Variants in RGS6 observed in about 807,000 individuals in gnomAD.
RGS6 encodes regulator of G-protein signaling 6.
RGS6 carries 30 observed loss-of-function variants against 78.5 expected under a neutral mutation model. That is an observed-to-expected ratio of 0.38 (90% CI 0.29 to 0.52). The LOEUF (loss-of-function observed/expected upper bound fraction) is 0.52, where lower values mean the gene tolerates loss of function less well. Among genes scored for constraint, RGS6 ranks in the 20% least tolerant of loss-of-function variants. The probability of loss-of-function intolerance (pLI) is 0.85; values close to 1 mark genes in which losing one functional copy is unlikely to be tolerated. For missense variants in RGS6, 495 were observed against 609.7 expected (o/e 0.81, Z 1.98); for synonymous variants, 206 against 206.0 (o/e 1.00, Z 0.00).
intron 2 of RGS6, among the ~76,000 whole-genome samples, chr14:72,088,090 A>G (rs1481613336): frequency 2.0e-5 from 3 of 152,124 alleles, no homozygotes; most frequent in Non-Finnish European, 4.4e-5. Flanking sequence ...TTTTGGTACC[A>G]TCTCCTTCTG....
chr14:72,409,719 C>A (rs1045861784), intron 3 of RGS6, among the ~76,000 whole-genome samples: 1 of 152,104 alleles, frequency 6.6e-6, no homozygotes, highest in South Asian at 2.1e-4. Flanking sequence ...CCCTCTCCCC[C>A]AACCCCACAA....
At chr14:71,945,703 C>T (rs1344292892) in intron 1 of RGS6, among the ~76,000 whole-genome samples, 1 of 152,144 alleles carries the variant, frequency 6.6e-6, no homozygotes, top group Non-Finnish European at 1.5e-5. Flanking sequence ...TGGCACCTGA[C>T]CTTGGATCTC....
chr14:72,203,606 A>C (rs549192141), intron 2 of RGS6, among the ~76,000 whole-genome samples: 1 of 152,250 alleles, frequency 6.6e-6, no homozygotes, highest in East Asian at 1.9e-4. Context: ...TGTTGGCTAG[A>C]GACATCAGTT....
At chr14:72,413,215 A>G (rs922769221) in intron 3 of RGS6, among the ~76,000 whole-genome samples, 10 of 152,200 alleles carry the variant, frequency 6.6e-5, no homozygotes, top group African/African-American at 2.4e-4. Context: ...GTCTCTTTGT[A>G]GGTCACTAAG....
chr14:72,245,381 A>G (rs1013846954), intron 2 of RGS6, among the ~76,000 whole-genome samples: 3 of 152,204 alleles, frequency 2.0e-5, no homozygotes, highest in Admixed American at 6.5e-5. Context: ...ACAGAGATTT[A>G]CCCATGTATT....
At chr14:72,572,849 G>GA in the RGS6 span, among the ~76,000 whole-genome samples, 1 of 148,460 alleles carries the variant, frequency 6.7e-6, no homozygotes, top group African/African-American at 2.5e-5. Flanking sequence ...AACAAAAACA[G>GA]AAAAAAAGAA....
the RGS6 span, among the ~76,000 whole-genome samples, chr14:71,914,551 G>A: frequency 6.6e-6 from 1 of 151,904 alleles, no homozygotes; most frequent in African/African-American, 2.4e-5. Context: ...AACTCATTCG[G>A]GTCCCTCCTT....
chr14:72,168,774 C>G (rs2096966369), intron 2 of RGS6, among the ~76,000 whole-genome samples: 1 of 152,176 alleles, frequency 6.6e-6, no homozygotes, highest in Non-Finnish European at 1.5e-5. Flanking sequence ...ACATCTCCTG[C>G]TACCTTGGAC....
At chr14:71,943,084 A>C (rs1339903023) in intron 1 of RGS6, among the ~76,000 whole-genome samples, 1 of 152,148 alleles carries the variant, frequency 6.6e-6, no homozygotes. Flanking sequence ...GGTCCCCTGC[A>C]TGAATGAGAG....
chr14:72,608,821 C>T, the RGS6 span, among the ~76,000 whole-genome samples: 1 of 152,198 alleles, frequency 6.6e-6, no homozygotes, highest in South Asian at 2.1e-4. Context: ...TTTGTTGCTC[C>T]TGGAGTCTCC....
chr14:71,999,140 C>T (rs1392427767), intron 2 of RGS6, among the ~76,000 whole-genome samples: 1 of 152,144 alleles, frequency 6.6e-6, no homozygotes, highest in Non-Finnish European at 1.5e-5. Flanking sequence ...GTTTATTGAC[C>T]TCTGAGGTAA....
chr14:72,030,940 A>G (rs1200216383), intron 2 of RGS6, among the ~76,000 whole-genome samples: 1 of 151,816 alleles, frequency 6.6e-6, no homozygotes, highest in African/African-American at 2.4e-5. Context: ...TAGCACTTAC[A>G]TATTAAGCTG....
chr14:72,169,203 C>G (rs942790124), intron 2 of RGS6, among the ~76,000 whole-genome samples: 2 of 152,216 alleles, frequency 1.3e-5, no homozygotes, highest in African/African-American at 4.8e-5. Flanking sequence ...AGAGTACATT[C>G]ATCTTTGATA....
intron 4 of RGS6, among the ~76,000 whole-genome samples, chr14:72,455,025 G>A (rs752665582): frequency 4.6e-5 from 7 of 152,022 alleles, no homozygotes; most frequent in East Asian, 1.9e-4. Context: ...CTTTAATTGC[G>A]CATTTCAATT....
At chr14:72,611,921 C>T in the RGS6 span, among the ~76,000 whole-genome samples, 16 of 152,136 alleles carry the variant, frequency 1.1e-4, no homozygotes, top group Non-Finnish European at 2.1e-4. Flanking sequence ...GATACTTGAC[C>T]TACAATCACG....
intron 12 of RGS6, among the ~76,000 whole-genome samples, chr14:72,490,664 A>G (rs1482795984): frequency 6.6e-6 from 1 of 152,228 alleles, no homozygotes; most frequent in African/African-American, 2.4e-5. Context: ...TGACTCAACC[A>G]AGAATTCAAA....
At chr14:72,019,183 G>A (rs1053268454) in intron 2 of RGS6, among the ~76,000 whole-genome samples, 25 of 152,098 alleles carry the variant, frequency 1.6e-4, no homozygotes, top group Non-Finnish European at 2.9e-4. Flanking sequence ...TCCCATGTCA[G>A]GGCAGAGCCA....
chr14:72,620,947 C>T, the RGS6 span, among the ~76,000 whole-genome samples: 1 of 152,190 alleles, frequency 6.6e-6, no homozygotes, highest in African/African-American at 2.4e-5. Context: ...TCGAGACCAG[C>T]TTGGCCAACA....
chr14:72,345,163 T>G (rs1034974278), intron 2 of RGS6, among the ~76,000 whole-genome samples: 1 of 152,086 alleles, frequency 6.6e-6, no homozygotes, highest in Non-Finnish European at 1.5e-5. Flanking sequence ...CCCCTCCCCC[T>G]CCTTCCCACC....
Sources: gnomAD v4.1 joint callset for allele counts (sites outside exome capture counted in the v4.1 genomes callset) on GRCh38, gnomAD v4.1.1 for gene constraint, MANE v1.5 for transcripts, NCBI Gene and HGNC (gene_info 2026-07-23, HGNC 2026-07-21) for gene names.